Variants in NRG4 observed in about 807,000 individuals in gnomAD.
NRG4 encodes the protein pro-neuregulin-4, membrane-bound isoform.
A neutral mutation model predicts 15.0 loss-of-function variants in NRG4; 10 were observed. The ratio of observed to expected loss-of-function variants is 0.67; its 90% confidence interval spans 0.41 to 1.13. The LOEUF (loss-of-function observed/expected upper bound fraction) is 1.13. NRG4 is among the 50% of genes most tolerant of loss of function. The pLI is 0.00. For synonymous variants in NRG4, 41 were observed against 50.1 expected, an observed-to-expected ratio of 0.82 and a Z score of 0.77; for missense variants, 139 against 140.2, an observed-to-expected ratio of 0.99 and a Z score of 0.04.
At chr15:75,973,779 T>C (rs899952453) in intron 3 of NRG4, among the ~76,000 whole-genome samples, 13 of 152,212 alleles carry the variant, frequency 8.5e-5, no homozygotes, top group African/African-American at 3.1e-4. Context: ...TAGTATTTTA[T>C]TGAGGATTTT....
At chr15:76,030,277 C>G (rs2035440283) in intron 5 of NRG4, among the ~76,000 whole-genome samples, 1 of 151,618 alleles carries the variant, frequency 6.6e-6, no homozygotes, top group Non-Finnish European at 1.5e-5. Context: ...CAACAACAAA[C>G]AAACAAACAA....
intron 3 of NRG4, among the ~76,000 whole-genome samples, chr15:75,976,756 A>T (rs1165691601): frequency 6.6e-6 from 1 of 152,062 alleles, no homozygotes; most frequent in Non-Finnish European, 1.5e-5. Flanking sequence ...CCTGTATGAG[A>T]TGTCTGTTGA....
chr15:75,967,702 T>C (rs2032879022), intron 3 of NRG4, among the ~76,000 whole-genome samples: 1 of 152,144 alleles, frequency 6.6e-6, no homozygotes, highest in Non-Finnish European at 1.5e-5. Context: ...CCTCAAGTGA[T>C]CTGCCCACCT....
At chr15:75,957,881 C>T (rs1454210355) in intron 4 of NRG4, among the ~76,000 whole-genome samples, 2 of 152,092 alleles carry the variant, frequency 1.3e-5, no homozygotes, top group Non-Finnish European at 2.9e-5. Flanking sequence ...TGTTTAAAGA[C>T]ATACACTAAA....
At chr15:76,030,497 T>C (rs1025880717) in intron 5 of NRG4, among the ~76,000 whole-genome samples, 1 of 151,986 alleles carries the variant, frequency 6.6e-6, no homozygotes, top group African/African-American at 2.4e-5. Context: ...AAGGACAATC[T>C]CTCCAATAAA....
chr15:76,044,023 C>T lies in NRG4; in HGVS notation c.-104-8032G>A, dbSNP rs1464583018. ...TTTTTTTTTTTGAGATGGAGTCTCG[C>T]TCTGTCGCCCAGGCGGGACTGCGGA... On this transcript the variant is annotated intron_variant, in intron 4 of 8. Coordinates refer to the NRG4 transcript ENST00000563910. Among the ~76,000 whole-genome samples the T allele has an allele frequency of 3.3e-5, 5 of 152,216 alleles. No homozygotes were observed. In the East Asian group the frequency reaches 7.7e-4, roughly 23 times the overall value.
chr15:75,948,972 G>T (rs1010936539), intron 5 of NRG4, among the ~76,000 whole-genome samples: 2 of 152,182 alleles, frequency 1.3e-5, no homozygotes, highest in Non-Finnish European at 2.9e-5. Flanking sequence ...GACTGCTTGA[G>T]TGCAGGAGCT....
At chr15:76,001,056 G>C (rs2034395036) in intron 3 of NRG4, among the ~76,000 whole-genome samples, 2 of 152,078 alleles carry the variant, frequency 1.3e-5, no homozygotes, top group African/African-American at 4.8e-5. Context: ...GCATGATCAT[G>C]TTCACTGCAG....
intron 2 of NRG4, among the ~76,000 whole-genome samples, chr15:76,009,864 A>G (rs2034744701): frequency 6.6e-6 from 1 of 152,182 alleles, no homozygotes; most frequent in South Asian, 2.1e-4. Context: ...ACAGTTACTA[A>G]CCATAAGGCA....
chr15:75,949,771 T>C (rs1208066288), intron 5 of NRG4, among the ~76,000 whole-genome samples: 1 of 152,210 alleles, frequency 6.6e-6, no homozygotes, highest in Non-Finnish European at 1.5e-5. Context: ...TGGTAAAGGG[T>C]CTGAATTCAT....
chr15:75,984,561 C>T (rs1487017259), intron 3 of NRG4, among the ~76,000 whole-genome samples: 1 of 152,152 alleles, frequency 6.6e-6, no homozygotes, highest in East Asian at 1.9e-4. Context: ...ACCGCATGTT[C>T]TCACTCATAA....
rs535961835 is a variant in NRG4 at position 76,050,335 on chromosome 15, CCTG to C, written c.-105+1729_-105+1731del. The stretch of plus-strand genomic sequence containing the variant: ...CTTTGATTTTTCTAATCTATTTTTT[CCTG>C]CTGTTTTTCCTTCGTAGAGGTTAGA... On this transcript the variant is annotated intron_variant, in intron 4 of 8. Transcript: ENST00000563910. Among the ~76,000 whole-genome samples the C allele has an allele frequency of 1.5e-3, 228 of 150,590 alleles. 15 individuals are homozygous for C. Among genetic ancestry groups the C allele is most frequent in the African/African-American group, 4.8e-3 (195 of 40,390 alleles).
intron 4 of NRG4, among the ~76,000 whole-genome samples, chr15:76,049,987 G>A (rs573912167): frequency 2.0e-5 from 3 of 150,984 alleles, no homozygotes; most frequent in African/African-American, 4.9e-5. Context: ...ATGGTCACAC[G>A]GCCAAGAATG....
chr15:76,030,829 T>C (rs748970715), intron 5 of NRG4, among the ~76,000 whole-genome samples: 1 of 152,190 alleles, frequency 6.6e-6, no homozygotes, highest in Non-Finnish European at 1.5e-5. Context: ...GAAAAAGAGA[T>C]AACATTATAC....
At chr15:75,975,395 T>C (rs990922512) in intron 3 of NRG4, among the ~76,000 whole-genome samples, 1 of 152,222 alleles carries the variant, frequency 6.6e-6, no homozygotes, top group Admixed American at 6.5e-5. Context: ...GTCATTATGA[T>C]GTTAGCTGGT....
chr15:75,938,633 C>T (rs1428146976), downstream of NRG4: 1 of 152,108 alleles, frequency 6.6e-6, no homozygotes, highest in Non-Finnish European at 1.5e-5. Flanking sequence ...ATGAAATTTT[C>T]ACTACAGGGG....
At chr15:76,047,613 AT>A (rs2035903180) in intron 4 of NRG4, among the ~76,000 whole-genome samples, 2 of 150,670 alleles carry the variant, frequency 1.3e-5, no homozygotes, top group African/African-American at 5.0e-5. Flanking sequence ...ACCAAAGGCC[AT>A]TAAGGATAGA....
At chr15:75,988,853 CTTTTTTTT>C (rs71444946) in intron 3 of NRG4, among the ~76,000 whole-genome samples, 1 of 109,652 alleles carries the variant, frequency 9.1e-6, no homozygotes, top group Non-Finnish European at 1.9e-5. Flanking sequence ...CTGCACCTTC[CTTTTTTTT>C]TTTTTTTTTT....
intron 5 of NRG4, among the ~76,000 whole-genome samples, chr15:76,020,698 C>A (rs532424257): frequency 6.6e-6 from 1 of 152,234 alleles, no homozygotes; most frequent in Non-Finnish European, 1.5e-5. Context: ...ATGCGGCCCA[C>A]GCGCCAGGGT....
Sources: allele counts gnomAD v4.1 joint callset (sites outside exome capture counted in the v4.1 genomes callset), GRCh38; gene constraint gnomAD v4.1.1; transcripts MANE v1.5; gene names NCBI Gene and HGNC (gene_info 2026-07-23, HGNC 2026-07-21).